MARCHF1: variants seen among roughly 807,000 people sequenced by gnomAD.
The protein encoded by MARCHF1 is membrane associated ring-CH-type finger 1.
MARCHF1 carries 40 observed loss-of-function variants against 54.2 expected under a neutral mutation model. The observed-to-expected ratio is 0.74, with a 90% confidence interval of 0.57 to 0.96. The LOEUF (loss-of-function observed/expected upper bound fraction) is 0.96, where lower values mean the gene tolerates loss of function less well. MARCHF1 is among the 40% of genes least tolerant of loss of function. The pLI is 0.00. For synonymous variants in MARCHF1, 236 were observed against 236.3 expected (o/e 1.00, Z 0.01); for missense variants, 586 against 656.5 (o/e 0.89, Z 1.17).
At chr4:163,991,225 A>C (rs1404833548) in intron 2 of MARCHF1, among the ~76,000 whole-genome samples, 2 of 152,200 alleles carry the variant, frequency 1.3e-5, no homozygotes, top group Non-Finnish European at 2.9e-5. Flanking sequence ...AACTTAAGAA[A>C]AATTAATAAT....
chr4:163,627,476 G>A (rs1050057724), intron 5 of MARCHF1, among the ~76,000 whole-genome samples: 1 of 152,158 alleles, frequency 6.6e-6, no homozygotes, highest in African/African-American at 2.4e-5. Flanking sequence ...TTAGTTTAGG[G>A]TATACATTTG....
At chr4:163,634,055 C>T (rs1040908631) in intron 5 of MARCHF1, among the ~76,000 whole-genome samples, 8 of 152,244 alleles carry the variant, frequency 5.3e-5, no homozygotes, top group South Asian at 2.1e-4. Context: ...CTGAGAGATT[C>T]TGTCACCACC....
intron 5 of MARCHF1, among the ~76,000 whole-genome samples, chr4:163,634,237 C>A (rs1742223686): frequency 6.6e-6 from 1 of 151,532 alleles, no homozygotes; most frequent in African/African-American, 2.4e-5. Context: ...ATCAAATTCA[C>A]ACATAACAAT....
chr4:164,252,358 G>A (rs528824909), intron 1 of MARCHF1, among the ~76,000 whole-genome samples: 8 of 147,592 alleles, frequency 5.4e-5, no homozygotes, highest in Non-Finnish European at 1.2e-4. Flanking sequence ...ACAAAACAAA[G>A]CAAAAAGCAG....
chr4:163,786,300 G>A (rs188718678), intron 4 of MARCHF1, among the ~76,000 whole-genome samples: 5 of 152,052 alleles, frequency 3.3e-5, no homozygotes, highest in African/African-American at 9.6e-5. Flanking sequence ...ATTAAATTGT[G>A]TAATCATGTT....
intron 1 of MARCHF1, among the ~76,000 whole-genome samples, chr4:164,147,060 AAC>A (rs1478183299): frequency 6.6e-6 from 1 of 151,994 alleles, no homozygotes; most frequent in East Asian, 1.9e-4. Flanking sequence ...GCAGCCAAAA[AAC>A]ACATGAAAAA....
At chr4:163,869,047 C>T (rs991618885) in intron 3 of MARCHF1, among the ~76,000 whole-genome samples, 8 of 150,898 alleles carry the variant, frequency 5.3e-5, no homozygotes, top group Non-Finnish European at 7.4e-5. Flanking sequence ...ACACATAAAA[C>T]GCATAAACCC....
At chr4:164,235,591 G>A (rs1732526565) in intron 1 of MARCHF1, among the ~76,000 whole-genome samples, 1 of 152,088 alleles carries the variant, frequency 6.6e-6, no homozygotes, top group Admixed American at 6.6e-5. Flanking sequence ...GCAGCAACTT[G>A]GATGGAGCTG....
At chr4:164,108,297 T>C (rs1261254243) in intron 2 of MARCHF1, among the ~76,000 whole-genome samples, 1 of 152,176 alleles carries the variant, frequency 6.6e-6, no homozygotes, top group Non-Finnish European at 1.5e-5. Flanking sequence ...GAGTCAAGCC[T>C]GCTGTTTTTA....
intron 3 of MARCHF1, among the ~76,000 whole-genome samples, chr4:163,857,518 T>C (rs1185954692): frequency 1.3e-5 from 2 of 152,174 alleles, no homozygotes; most frequent in African/African-American, 4.8e-5. Context: ...TAAGCACTCA[T>C]GTTAATTGCT....
rs1364209642 is a variant in MARCHF1, at chr4:164,041,437, A to G, written c.-247-52728T>C. Among the ~76,000 whole-genome samples, 3 of 152,208 alleles carry G rather than the reference A, an allele frequency of 2.0e-5. No individual in the cohort carries two copies. In the East Asian group the frequency reaches 5.8e-4, roughly 29 times the overall value. On this transcript the variant is annotated intron_variant, in intron 2 of 9. Coordinates refer to ENST00000514618, the MANE Select transcript of MARCHF1 (RefSeq NM_001394959.1). Reference sequence around the variant, plus strand: ...TGTGGATAAGATTCATGCCTTCCTCATTAATTGATCCACCCAAAATACTAA... The same window carrying G: ...TGTGGATAAGATTCATGCCTTCCTCGTTAATTGATCCACCCAAAATACTAA...
intron 1 of MARCHF1, among the ~76,000 whole-genome samples, chr4:164,349,811 A>G (rs528427154): frequency 6.6e-6 from 1 of 152,336 alleles, no homozygotes; most frequent in African/African-American, 2.4e-5. Flanking sequence ...AGTCACATGT[A>G]ATGATGGTAT....
chr4:164,201,861 T>A (rs1731463225), intron 1 of MARCHF1, among the ~76,000 whole-genome samples: 1 of 152,314 alleles, frequency 6.6e-6, no homozygotes, highest in East Asian at 1.9e-4. Flanking sequence ...TTAACTTTTT[T>A]ATTATGACAT....
chr4:164,284,981 C>T (rs1734108526), intron 1 of MARCHF1, among the ~76,000 whole-genome samples: 1 of 143,336 alleles, frequency 7.0e-6, no homozygotes, highest in Non-Finnish European at 1.5e-5. Flanking sequence ...GAACTGATCA[C>T]ATCATAATAC....
chr4:164,304,593 A>G (rs1348675308), intron 1 of MARCHF1, among the ~76,000 whole-genome samples: 1 of 152,204 alleles, frequency 6.6e-6, no homozygotes, highest in Non-Finnish European at 1.5e-5. Flanking sequence ...TCAAGTGTTG[A>G]GTTGCTCTGG....
At chr4:164,123,659 A>G (rs1756122864) in intron 1 of MARCHF1, among the ~76,000 whole-genome samples, 1 of 152,170 alleles carries the variant, frequency 6.6e-6, no homozygotes, top group South Asian at 2.1e-4. Flanking sequence ...ACCACAGTGA[A>G]CTCATTTTTG....
Position 164,182,797 on chromosome 4 carries a change from T to C in MARCHF1, c.-322-71135A>G, listed in dbSNP as rs556567855. On this transcript the variant is annotated intron_variant, in intron 1 of 9. Transcript: ENST00000514618. ...TTAGTAATTTGATATTCTTTATACT[T>C]TTCCAACCTCATATTTTTCCTCTGA... Among the ~76,000 whole-genome samples, 12 of 152,176 alleles carry C rather than the reference T, an allele frequency of 7.9e-5. 1 individual carries two copies. In the South Asian group the frequency reaches 2.5e-3, roughly 31 times the overall value.
At chr4:164,249,568 G>T (rs1733063850) in intron 1 of MARCHF1, among the ~76,000 whole-genome samples, 1 of 151,926 alleles carries the variant, frequency 6.6e-6, no homozygotes, top group Admixed American at 6.6e-5. Flanking sequence ...TTATTTTGTA[G>T]ATATCAGGGA....
At chr4:163,812,879 T>C (rs1748431873) in intron 4 of MARCHF1, among the ~76,000 whole-genome samples, 4 of 152,194 alleles carry the variant, frequency 2.6e-5, no homozygotes, top group Admixed American at 2.0e-4. Context: ...TAATTAACTA[T>C]AGACTGTATA....
Sources: gnomAD v4.1 joint callset for allele counts (sites outside exome capture counted in the v4.1 genomes callset) on GRCh38, gnomAD v4.1.1 for gene constraint, MANE v1.5 for transcripts, NCBI Gene and HGNC (gene_info 2026-07-23, HGNC 2026-07-21) for gene names.